ASTN2: variants seen among roughly 807,000 people sequenced by gnomAD.
The protein encoded by ASTN2 is astrotactin-2.
ASTN2 carries 54 observed loss-of-function variants against 139.8 expected under a neutral mutation model. The observed-to-expected ratio is 0.39, with a 90% CI of 0.31 to 0.48. The LOEUF is 0.48. Among genes scored for constraint, ASTN2 ranks in the 20% least tolerant of loss-of-function variants. The probability of loss-of-function intolerance (pLI) is 0.95; values close to 1 mark genes in which losing one functional copy is unlikely to be tolerated. For synonymous variants in ASTN2, 756 were observed against 719.5 expected (o/e 1.05, Z -0.81); for missense variants, 1,565 against 1,725.1 (o/e 0.91, Z 1.64).
At position 117,214,709 on chromosome 9, in the gene ASTN2, CCAG is replaced by C. The variant is rs750505669; in HGVS notation, c.661_663del (p.Leu221del). 1.8e-3 allele frequency: 2,603 copies of C among 1,479,044 alleles called. No homozygotes were observed. Among genetic ancestry groups the C allele is most frequent in the South Asian group, 7.2e-3 (510 of 70,722 alleles). 91.6% of individuals were successfully genotyped at this position (1,479,044 alleles called of 1,614,324 possible). The stretch of plus-strand genomic sequence containing the variant: ...TGGGCGTACAGCGCCACGGTGAACA[CCAG>C]CAGCAGCAGCAGCAGCGCGATGAGG... On this transcript the variant is annotated inframe_deletion, in exon 3 of 23. Coordinates refer to ENST00000313400, the MANE Select transcript of ASTN2 (RefSeq NM_001365068.1).
intron 19 of ASTN2, among the ~76,000 whole-genome samples, chr9:116,594,019 T>C (rs1434382578): frequency 2.0e-5 from 3 of 152,196 alleles, no homozygotes; most frequent in Non-Finnish European, 4.4e-5. Flanking sequence ...AGGTATATCT[T>C]TGCACTTCCT....
Position 116,436,660 on chromosome 9 carries a change from C to T in ASTN2, c.3782+3949G>A, listed in dbSNP as rs141069966. On this transcript the variant is annotated intron_variant, in intron 22 of 22. Transcript: ENST00000313400. ...ATGGGCGGACATTTTAGAGAATTCTCTGTGGAGGTGGGCTGTGATTCCATG... is the reference window on the plus strand; with the variant it reads ...ATGGGCGGACATTTTAGAGAATTCTTTGTGGAGGTGGGCTGTGATTCCATG... 1.9e-4 allele frequency among the ~76,000 whole-genome samples: 29 copies of T among 152,198 alleles called. 1 individual carries two copies. The East Asian group carries it at 5.6e-3, about 29-fold the overall frequency.
intron 11 of ASTN2, among the ~76,000 whole-genome samples, chr9:116,829,149 G>GA (rs960570609): frequency 6.6e-6 from 1 of 151,122 alleles, no homozygotes; most frequent in African/African-American, 2.4e-5. Flanking sequence ...CAAAGCATTA[G>GA]AAAAAAAATC....
intron 5 of ASTN2, among the ~76,000 whole-genome samples, chr9:117,083,142 T>TC (rs1828471786): frequency 6.6e-6 from 1 of 152,166 alleles, no homozygotes; most frequent in Non-Finnish European, 1.5e-5. Flanking sequence ...TTGGTCTATT[T>TC]CCCACCATAT....
At chr9:117,242,778 G>A (rs1833254521) in intron 2 of ASTN2, among the ~76,000 whole-genome samples, 1 of 152,208 alleles carries the variant, frequency 6.6e-6, no homozygotes, top group Non-Finnish European at 1.5e-5. Context: ...CCACTGGTGT[G>A]TGGAACCAAT....
chr9:116,912,719 G>A (rs1186631541), intron 10 of ASTN2, among the ~76,000 whole-genome samples: 1 of 152,114 alleles, frequency 6.6e-6, no homozygotes, highest in Non-Finnish European at 1.5e-5. Flanking sequence ...ATGCAAGCTT[G>A]GGTTTTGCTT....
At chr9:117,269,883 G>A (rs532674219) in intron 2 of ASTN2, among the ~76,000 whole-genome samples, 3 of 152,190 alleles carry the variant, frequency 2.0e-5, no homozygotes, top group Admixed American at 6.5e-5. Context: ...CACTTTTGGG[G>A]CACATACTCT....
intron 1 of ASTN2, among the ~76,000 whole-genome samples, chr9:117,358,694 A>G (rs2130891797): frequency 6.6e-6 from 1 of 152,272 alleles, no homozygotes; most frequent in South Asian, 2.1e-4. Context: ...AGTAGTCCCA[A>G]GAGCAGAGAA....
At chr9:116,799,229 TGGG>T (rs1372507489) in intron 13 of ASTN2, among the ~76,000 whole-genome samples, 2 of 152,004 alleles carry the variant, frequency 1.3e-5, no homozygotes, top group African/African-American at 4.8e-5. Context: ...GTATCCTCAG[TGGG>T]GGAATGAGTG....
At chr9:117,088,339 A>G (rs1318808070) in intron 5 of ASTN2, among the ~76,000 whole-genome samples, 3 of 152,072 alleles carry the variant, frequency 2.0e-5, no homozygotes, top group Non-Finnish European at 4.4e-5. Flanking sequence ...GTACTCTTCC[A>G]CAGATGCTCA....
chr9:116,908,042 C>G (rs1834212954), intron 10 of ASTN2, among the ~76,000 whole-genome samples: 1 of 152,148 alleles, frequency 6.6e-6, no homozygotes, highest in Non-Finnish European at 1.5e-5. Context: ...GGCAGGATCT[C>G]TGGCTCTGGA....
At chr9:116,869,313 T>A (rs1380403547) in intron 10 of ASTN2, among the ~76,000 whole-genome samples, 2 of 152,238 alleles carry the variant, frequency 1.3e-5, no homozygotes, top group Non-Finnish European at 2.9e-5. Flanking sequence ...TCTGAATTTC[T>A]GGTGAACACA....
chr9:116,609,969 T>A (rs1855448866), intron 19 of ASTN2, among the ~76,000 whole-genome samples: 1 of 151,868 alleles, frequency 6.6e-6, no homozygotes, highest in Non-Finnish European at 1.5e-5. Context: ...GAGTTATTGC[T>A]AATAAAGTCA....
intron 20 of ASTN2, among the ~76,000 whole-genome samples, chr9:116,482,076 C>G (rs1164791363): frequency 6.6e-6 from 1 of 152,200 alleles, no homozygotes; most frequent in African/African-American, 2.4e-5. Flanking sequence ...CCTGTAATCC[C>G]AGCACTTTGG....
intron 3 of ASTN2, among the ~76,000 whole-genome samples, chr9:117,189,732 C>G (rs572433750): frequency 2.0e-5 from 3 of 152,152 alleles, no homozygotes; most frequent in Non-Finnish European, 2.9e-5. Flanking sequence ...GGCATCTTAA[C>G]TACTTTATCC....
In ASTN2 at chr9:116,698,972, C is replaced by T. The variant is rs1055663395; in HGVS notation, c.2806+26799G>A. 25 of 1,614,174 alleles carry T rather than the reference C, an allele frequency of 1.5e-5. No individual in the cohort carries two copies. The highest frequency in any genetic ancestry group is 2.1e-5 in the Non-Finnish European group (25 of 1,180,038). On this transcript the variant is annotated intron_variant, in intron 16 of 22. Transcript: ENST00000313400. The surrounding 1 kb of genome is among the most constrained non-coding windows in gnomAD (Gnocchi z 4.4). ...GCTTTTTGAAGGAAATCCGCCGCAG[C>T]CCCAGTGGCATTGATAGCTTTGTGC...
chr9:117,149,391 T>A (rs1403851587), intron 3 of ASTN2, among the ~76,000 whole-genome samples: 2 of 152,036 alleles, frequency 1.3e-5, no homozygotes, highest in African/African-American at 2.4e-5. Flanking sequence ...AGAATACATA[T>A]AACTAATAGG....
At chr9:116,855,166 GA>G (rs1041478755) in intron 11 of ASTN2, among the ~76,000 whole-genome samples, 1 of 152,106 alleles carries the variant, frequency 6.6e-6, no homozygotes, top group Non-Finnish European at 1.5e-5. Context: ...GTCATGAGAA[GA>G]AAAAAATATT....
intron 22 of ASTN2, among the ~76,000 whole-genome samples, chr9:116,438,094 T>A (rs964277706): frequency 6.6e-6 from 1 of 152,158 alleles, no homozygotes; most frequent in Non-Finnish European, 1.5e-5. Context: ...CATTTTGAAG[T>A]TTTTAAATCA....
Sources: gnomAD v4.1 joint callset for allele counts (sites outside exome capture counted in the v4.1 genomes callset) on GRCh38, gnomAD v4.1.1 for gene constraint, Gnocchi (gnomAD v3.1) non-coding constraint, MANE v1.5 for transcripts, NCBI Gene and HGNC (gene_info 2026-07-23, HGNC 2026-07-21) for gene names.